Variants in GTF3C1 observed in about 807,000 individuals in gnomAD.
GTF3C1 encodes the protein general transcription factor IIIC subunit 1.
Under a neutral mutation model 226.7 loss-of-function variants are expected in GTF3C1, and 57 were observed. That is an observed-to-expected ratio of 0.25 (90% confidence interval 0.20 to 0.31). The LOEUF (loss-of-function observed/expected upper bound fraction) is 0.31, where lower values mean the gene tolerates loss of function less well. Ranked by LOEUF, GTF3C1 falls within the 10% of genes least tolerant of loss-of-function variation. The probability of loss-of-function intolerance (pLI) is 1.00; values close to 1 mark genes in which losing one functional copy is unlikely to be tolerated. For missense variants in GTF3C1, 2,217 were observed against 2,776.1 expected (o/e 0.80, Z 4.53); for synonymous variants, 1,090 against 1,084.8 (o/e 1.00, Z -0.09).
At chr16:27,520,140 G>C (rs947814071) in intron 6 of GTF3C1, among the ~76,000 whole-genome samples, 1 of 152,080 alleles carries the variant, frequency 6.6e-6, no homozygotes, top group African/African-American at 2.4e-5. Flanking sequence ...TTGTTGACAT[G>C]GAGTCTCACT....
In GTF3C1 at chr16:27,461,537, C is replaced by A; in HGVS notation, c.6143G>T (p.Arg2048Leu). The A allele has an allele frequency of 6.2e-7, 1 of 1,613,698 alleles. No homozygotes were observed. Among genetic ancestry groups the A allele is most frequent in the Non-Finnish European group, 8.5e-7 (1 of 1,179,858 alleles). ...CCTTGGCTTTCTCAGCCAGCGCTTC[C>A]GGATGCAGCCGAGGGACTCCAGGCC... ...LQGLESLGCI[R>L]KRWLRKPRPV... is the part of the protein sequence containing the mutation. Residue 2048 changes from arginine to leucine, a missense_variant, in exon 37 of 37, where the codon CGG (arginine) becomes CTG (leucine). Physicochemically the swap from Arg to Leu is moderately radical, Grantham distance 102. Transcript: ENST00000356183. The surrounding 1 kb of genome is among the most constrained non-coding windows in gnomAD (Gnocchi z 5.3).
chr16:27,530,742 A>C (rs2088902852), intron 5 of GTF3C1, among the ~76,000 whole-genome samples: 1 of 152,150 alleles, frequency 6.6e-6, no homozygotes, highest in Non-Finnish European at 1.5e-5. Context: ...CCATTCAGCA[A>C]ATATTTACTG....
At chr16:27,475,276 G>T (rs2087934878) in intron 29 of GTF3C1, among the ~76,000 whole-genome samples, 1 of 152,192 alleles carries the variant, frequency 6.6e-6, no homozygotes, top group Non-Finnish European at 1.5e-5. Flanking sequence ...CATGCTATAA[G>T]ATCTCTCTGT....
intron 27 of GTF3C1, among the ~76,000 whole-genome samples, chr16:27,479,027 A>G (rs2087997628): frequency 6.6e-6 from 1 of 152,180 alleles, no homozygotes; most frequent in Non-Finnish European, 1.5e-5. Context: ...CCAGAGGAAA[A>G]AGTTTTCATG....
In GTF3C1 at chr16:27,528,629, G is replaced by A; in HGVS notation, c.942C>T (p.His314=). The change falls in exon 6 of 37, where the codon CAC becomes CAT. Residue 314 remains histidine, a synonymous_variant. Transcript: ENST00000356183. ...TTGTCTTACAAGGTCCACATTCAGG[G>A]TGGATCTCTTGCAAGCGAAGAGACA... ...KVVSLRLQEI[H]PECGPCKTKK... The A allele has an allele frequency of 6.2e-7, 1 of 1,611,860 alleles. No individual in the cohort carries two copies. The highest frequency in any genetic ancestry group is 1.7e-5 in the Admixed American group (1 of 60,010).
At chr16:27,497,946 A>AGG (rs1567398787) in intron 13 of GTF3C1, 125 bp from the exon 14 acceptor site, 1 of 715,944 alleles carries the variant, frequency 1.4e-6, no homozygotes, top group African/African-American at 1.8e-5. Flanking sequence ...TGCTCCTTGT[A>AGG]GGGGCCAGGG....
intron 14 of GTF3C1, 148 bp downstream of exon 14, chr16:27,497,489 C>T (rs1344605600): frequency 1.6e-6 from 1 of 626,720 alleles, no homozygotes. Context: ...AGTTATGCGG[C>T]CAGAGTAACA....
In GTF3C1 at chr16:27,493,264, C is replaced by T. The variant is rs200826576; in HGVS notation, c.2811G>A (p.Pro937=). The T allele has an allele frequency of 3.8e-5, 62 of 1,610,796 alleles. No homozygotes were observed. Among genetic ancestry groups the T allele is most frequent in the Non-Finnish European group, 4.8e-5 (57 of 1,177,096 alleles). Residue 937 remains proline (P), a synonymous_variant, in exon 17 of 37, where the codon CCG becomes CCA. Coordinates refer to ENST00000356183, the MANE Select transcript of GTF3C1 (RefSeq NM_001520.4). ...VDNLEEFLND[P]LKKHTLIRFL... The stretch of plus-strand genomic sequence containing the variant: ...AGCGGATCAGCGTGTGCTTCTTCAG[C>T]GGGTCGTTCAGAAATTCCTCCAGGT...
intron 13 of GTF3C1, among the ~76,000 whole-genome samples, chr16:27,498,027 GGCACCCCCACTTATGGGT>G (rs1307226732): frequency 6.6e-6 from 1 of 152,096 alleles, no homozygotes; most frequent in Non-Finnish European, 1.5e-5. Flanking sequence ...CCCTGAAGAG[GGCACCCCCACTTATGGGT>G]GCTGCCTTGT....
At chr16:27,522,627 T>C (rs2088766527) in intron 6 of GTF3C1, among the ~76,000 whole-genome samples, 1 of 152,220 alleles carries the variant, frequency 6.6e-6, no homozygotes, top group South Asian at 2.1e-4. Flanking sequence ...AGCCTGTTAA[T>C]TTCTGTGGAG....
chr16:27,497,287 G>A (rs2088333725), intron 14 of GTF3C1, among the ~76,000 whole-genome samples: 1 of 152,222 alleles, frequency 6.6e-6, no homozygotes, highest in African/African-American at 2.4e-5. Context: ...CAGGGGATTT[G>A]TCGAGTTGGG....
rs886178900 is a variant in GTF3C1 at position 27,494,908 on chromosome 16, A to G, written c.2633T>C (p.Val878Ala). ...CATCCACGAGGCATCGTCGACATAC[A>G]CTAGGAAAAAAACGCACGGTTACCC... Reference protein sequence around the residue: ...EAEVELATETVYVDDASWMRY... With the variant: ...EAEVELATETAYVDDASWMRY... Residue 878 changes from valine (V) to alanine (A), a missense_variant and splice_region_variant, in exon 16 of 37, where the codon GTG becomes GCG. By Grantham distance (64) the Val-to-Ala change is moderately conservative (BLOSUM62 0). Around this residue, in one of 12 missense-constraint regions of GTF3C1, gnomAD observed 353 missense variants for 411.7 expected, o/e 0.86. Coordinates refer to ENST00000356183, the MANE Select transcript of GTF3C1 (RefSeq NM_001520.4). 46 of 1,612,922 alleles carry G rather than the reference A, an allele frequency of 2.9e-5. No homozygotes were observed. The highest frequency in any genetic ancestry group is 8.3e-5 in the Admixed American group (5 of 59,982).
At position 27,465,335 on chromosome 16, in the gene GTF3C1, C is replaced by G. The variant is rs1318279664; in HGVS notation, c.5280G>C (p.Glu1760Asp). The G allele has an allele frequency of 6.2e-7, 1 of 1,614,058 alleles. No homozygotes were observed. The highest frequency in any genetic ancestry group is 8.5e-7 in the Non-Finnish European group (1 of 1,180,012). Reference sequence around the variant, plus strand: ...AGGCCGAGAACCGTCTGCGCAGCTCCTCCTTGTCAATCCCAAAACAACCCG... The same window carrying G: ...AGGCCGAGAACCGTCTGCGCAGCTCGTCCTTGTCAATCCCAAAACAACCCG... Reference protein sequence around the residue: ...IATGCFGIDKEELRRRFSALE... With the variant: ...IATGCFGIDKDELRRRFSALE... The change falls in exon 33 of 37, where the codon GAG becomes GAC. Residue 1760 changes from glutamate (E) to aspartate (D), a missense_variant. By Grantham distance (45) the Glu-to-Asp change is conservative (BLOSUM62 2). Transcript: ENST00000356183.
In GTF3C1 at chr16:27,472,092, CA is replaced by C. The variant is rs370298071; in HGVS notation, c.4354-173del. Among the ~76,000 whole-genome samples, 61 of 152,108 alleles carry C rather than the reference CA, an allele frequency of 4.0e-4. 1 individual carries two copies. Among genetic ancestry groups the C allele is most frequent in the African/African-American group, 1.0e-3 (42 of 41,478 alleles). ...TGAGTGTGTGTGTGAGTGTGTGTAT[CA>C]GGGGGAGGGGTGCTGAGGAAGTCAG... is the stretch of plus-strand genomic sequence containing the variant. On this transcript the variant is annotated intron_variant, in intron 29 of 36. Transcript: ENST00000356183.
Position 27,464,313 on chromosome 16 carries a change from G to T in GTF3C1, c.5872+7C>A. 1 of 1,453,968 alleles carries T rather than the reference G, an allele frequency of 6.9e-7. No homozygotes were observed. Among genetic ancestry groups the T allele is most frequent in the Non-Finnish European group, 9.1e-7 (1 of 1,101,456 alleles). The allele number at this position is 1,453,968 out of a possible 1,614,324, so 90.1% of individuals were successfully genotyped here. ...TGAGGTGGGGTGGGGGACAAGGCGC[G>T]CGGTACCTCTGGGGTCTTCAGAGCC... On this transcript the variant is annotated splice_region_variant and intron_variant, in intron 34 of 36. Coordinates refer to ENST00000356183, the MANE Select transcript of GTF3C1 (RefSeq NM_001520.4).
At chr16:27,480,215 A>G (rs2088020910) in intron 27 of GTF3C1, among the ~76,000 whole-genome samples, 1 of 151,908 alleles carries the variant, frequency 6.6e-6, no homozygotes, top group South Asian at 2.1e-4. Flanking sequence ...AAAAAAAAAA[A>G]AAAAAAAAAG....
In GTF3C1 at chr16:27,507,280, G is replaced by T. The variant is rs1596641396; in HGVS notation, c.1243-124C>A. On this transcript the variant is annotated intron_variant, in intron 8 of 36. Coordinates refer to ENST00000356183, the MANE Select transcript of GTF3C1 (RefSeq NM_001520.4). The surrounding 1 kb of genome is among the most constrained non-coding windows in gnomAD (Gnocchi z 4.9). ...CTGTTTCTCCTGTCTTACTGCCTGG[G>T]CCCTGGGTTGGGCACCACTGATGCT... is the stretch of plus-strand genomic sequence containing the variant. 38 of 735,552 alleles carry T rather than the reference G, an allele frequency of 5.2e-5. No homozygotes were observed. In the East Asian group the frequency reaches 1.0e-3, roughly 19 times the overall value. 45.6% of individuals were successfully genotyped at this position (735,552 alleles called of 1,614,324 possible).
At chr16:27,501,386 C>T (rs183341308) in intron 11 of GTF3C1, 42 bp from the exon 12 acceptor site, 42 of 1,584,204 alleles carry the variant, frequency 2.7e-5, no homozygotes, top group Non-Finnish European at 3.5e-5. Context: ...CCAATCTCAA[C>T]ATGGAAGGCC....
Position 27,469,586 on chromosome 16 carries a change from G to T in GTF3C1, c.4815-36C>A. The stretch of plus-strand genomic sequence containing the variant: ...ATTGTGACCTGGATACCTGAGCATA[G>T]GCCAGCCAGTTGCTACTGCAGCCTC... On this transcript the variant is annotated intron_variant, in intron 31 of 36. Coordinates refer to ENST00000356183, the MANE Select transcript of GTF3C1 (RefSeq NM_001520.4). The surrounding 1 kb of genome is among the most constrained non-coding windows in gnomAD (Gnocchi z 4.5). 2 of 1,585,052 alleles carry T rather than the reference G, an allele frequency of 1.3e-6. No homozygotes were observed. Among genetic ancestry groups the T allele is most frequent in the Non-Finnish European group, 1.7e-6 (2 of 1,159,710 alleles).
Sources: gnomAD v4.1 joint callset for allele counts (sites outside exome capture counted in the v4.1 genomes callset) on GRCh38, gnomAD v4.1.1 for gene constraint, gnomAD v4.1.1 regional missense constraint, Gnocchi (gnomAD v3.1) non-coding constraint, MANE v1.5 for transcripts, NCBI Gene and HGNC (gene_info 2026-07-23, HGNC 2026-07-21) for gene names.